Variants in SIPA1L2 observed in about 807,000 individuals in gnomAD.
SIPA1L2 encodes signal induced proliferation associated 1 like 2, also known as signal-induced proliferation-associated 1-like protein 2.
A neutral mutation model predicts 163.9 loss-of-function variants in SIPA1L2; 56 were observed. The ratio of observed to expected loss-of-function variants is 0.34; its 90% CI spans 0.28 to 0.43. The LOEUF is 0.43. SIPA1L2 is among the 20% of genes least tolerant of loss of function. The pLI, the probability that SIPA1L2 is intolerant of heterozygous loss-of-function variation, is 1.00. For missense variants in SIPA1L2, 1,974 were observed against 2,193.5 expected (o/e 0.90, Z 2.00); for synonymous variants, 877 against 865.7 (o/e 1.01, Z -0.23).
At chr1:232,505,130 C>T (rs1335008162) in intron 3 of SIPA1L2, among the ~76,000 whole-genome samples, 2 of 152,182 alleles carry the variant, frequency 1.3e-5, no homozygotes, top group African/African-American at 4.8e-5. Context: ...GGCTTCTTTT[C>T]ATAACCTGTA....
At chr1:232,566,068 G>A (rs1573093720) in intron 2 of SIPA1L2, among the ~76,000 whole-genome samples, 1 of 152,212 alleles carries the variant, frequency 6.6e-6, no homozygotes, top group East Asian at 1.9e-4. Flanking sequence ...GGCAGTTTAG[G>A]AAAATATAGA....
At chr1:232,446,149 C>A (rs1001035654) in intron 10 of SIPA1L2, among the ~76,000 whole-genome samples, 1 of 152,136 alleles carries the variant, frequency 6.6e-6, no homozygotes, top group African/African-American at 2.4e-5. Flanking sequence ...TTCCAAGACC[C>A]CCAATACACA....
intron 1 of SIPA1L2, among the ~76,000 whole-genome samples, chr1:232,620,330 G>C (rs1258546549): frequency 1.3e-5 from 2 of 152,182 alleles, no homozygotes; most frequent in East Asian, 3.9e-4. Context: ...ATGAAGGTAG[G>C]TGTCTCGATG....
At chr1:232,600,155 C>T (rs1310000519) in intron 1 of SIPA1L2, among the ~76,000 whole-genome samples, 1 of 152,118 alleles carries the variant, frequency 6.6e-6, no homozygotes, top group Non-Finnish European at 1.5e-5. Flanking sequence ...GAACTTTATG[C>T]TCAGTTCTGG....
intron 19 of SIPA1L2, among the ~76,000 whole-genome samples, chr1:232,409,288 A>C (rs964536831): frequency 6.6e-6 from 1 of 152,186 alleles, no homozygotes; most frequent in African/African-American, 2.4e-5. Context: ...TTACATATTA[A>C]GACTTTTCAG....
intron 2 of SIPA1L2, among the ~76,000 whole-genome samples, chr1:232,558,111 A>G (rs1658818652): frequency 6.6e-6 from 1 of 152,210 alleles, no homozygotes; most frequent in South Asian, 2.1e-4. Context: ...TCACACAGTG[A>G]AACCTCCCCA....
At chr1:232,616,491 C>T (rs902220079) in intron 1 of SIPA1L2, among the ~76,000 whole-genome samples, 9 of 152,232 alleles carry the variant, frequency 5.9e-5, no homozygotes, top group Non-Finnish European at 1.3e-4. Flanking sequence ...CTGGGTGCCC[C>T]TTCCACCTCA....
chr1:232,621,719 T>G (rs950511814), intron 1 of SIPA1L2, among the ~76,000 whole-genome samples: 1 of 151,216 alleles, frequency 6.6e-6, no homozygotes, highest in African/African-American at 2.4e-5. Flanking sequence ...CCTTCACTTA[T>G]TCTTGTCATT....
chr1:232,443,264 G>A (rs1418441726), intron 12 of SIPA1L2, among the ~76,000 whole-genome samples: 5 of 152,220 alleles, frequency 3.3e-5, no homozygotes, highest in Non-Finnish European at 7.3e-5. Flanking sequence ...AAGCAAAAAA[G>A]CCAAACGCTA....
chr1:232,477,038 G>T (rs769007121), intron 7 of SIPA1L2, among the ~76,000 whole-genome samples: 11 of 152,156 alleles, frequency 7.2e-5, no homozygotes, highest in Admixed American at 1.3e-4. Flanking sequence ...GAGGGTGAGA[G>T]AAATGGAGTC....
intron 7 of SIPA1L2, among the ~76,000 whole-genome samples, chr1:232,478,971 A>C (rs1390867892): frequency 6.6e-6 from 1 of 152,220 alleles, no homozygotes; most frequent in African/African-American, 2.4e-5. Context: ...ACAGTAGACA[A>C]AGCATTTCAA....
In SIPA1L2 at chr1:232,441,775, C is replaced by A; in HGVS notation, c.3531G>T (p.Arg1177Ser). Reference sequence around the variant, plus strand: ...CCAGGAGTTCCTTATTACCCGGGTGCCTGCTTGCTTCCATGGTGTCTTCCC... The same window carrying A: ...CCAGGAGTTCCTTATTACCCGGGTGACTGCTTGCTTCCATGGTGTCTTCCC... ...REREDTMEAS[R>S]HPETKWHGPP... Residue 1177 changes from arginine (R) to serine (S), a missense_variant, in exon 13 of 23, where the codon AGG (arginine) becomes AGT (serine). Physicochemically the swap from Arg to Ser is moderately radical, Grantham distance 110. This residue lies in a region of SIPA1L2 where 1,079 missense variants were observed against 1,150.7 expected (regional missense o/e 0.94). Transcript: ENST00000674635. 1.9e-6 allele frequency: 3 copies of A among 1,613,694 alleles called. No homozygotes were observed. The highest frequency in any genetic ancestry group is 1.1e-5 in the South Asian group (1 of 90,946).
intron 13 of SIPA1L2, 62 bp downstream of exon 13, chr1:232,441,706 G>A (rs1357640699): frequency 3.8e-6 from 5 of 1,322,570 alleles, no homozygotes; most frequent in South Asian, 1.2e-5. Context: ...GATGGGAGAG[G>A]AGGGGGCAGA....
intron 2 of SIPA1L2, among the ~76,000 whole-genome samples, chr1:232,556,753 G>A (rs149602768): frequency 7.9e-5 from 12 of 151,160 alleles, no homozygotes; most frequent in African/African-American, 2.4e-4. Context: ...AGAGCTCCAA[G>A]GTAGTGAACA....
chr1:232,410,545 A>ATATATATAT, intron 19 of SIPA1L2, among the ~76,000 whole-genome samples: 1 of 148,884 alleles, frequency 6.7e-6, no homozygotes, highest in East Asian at 2.0e-4. Context: ...TGAATTTCAA[A>ATATATATAT]ATATATATAT....
At position 232,464,884 on chromosome 1, in the gene SIPA1L2, C is replaced by T; in HGVS notation, c.2776G>A (p.Asp926Asn). ...RGECVLLSSV[D>N]NCAEDIREIV... is the part of the protein sequence containing the mutation. ...TCCCTGATGTCTTCAGCACAGTTGTCTACCGAGGACAGGAGGACACATTCT... is the reference window on the plus strand; with the variant it reads ...TCCCTGATGTCTTCAGCACAGTTGTTTACCGAGGACAGGAGGACACATTCT... Residue 926 changes from aspartate to asparagine, a missense_variant, in exon 9 of 23, where the codon GAC becomes AAC. Transcript: ENST00000674635. 1.2e-6 allele frequency: 2 copies of T among 1,613,404 alleles called. No individual in the cohort carries two copies. Among genetic ancestry groups the T allele is most frequent in the South Asian group, 1.1e-5 (1 of 90,872 alleles).
chr1:232,577,513 A>T (rs1382522276), intron 1 of SIPA1L2, among the ~76,000 whole-genome samples: 1 of 152,212 alleles, frequency 6.6e-6, no homozygotes, highest in Admixed American at 6.5e-5. Context: ...TATCACAGAT[A>T]GCAATTCCTC....
intron 3 of SIPA1L2, among the ~76,000 whole-genome samples, chr1:232,494,288 T>C (rs964029585): frequency 1.3e-5 from 2 of 152,230 alleles, no homozygotes; most frequent in African/African-American, 4.8e-5. Flanking sequence ...TATAACTTGG[T>C]TTAAAATGTC....
In SIPA1L2 at chr1:232,582,419, T is replaced by C. The variant is rs146159215; in HGVS notation, c.-318-8197A>G. Among the ~76,000 whole-genome samples the C allele has an allele frequency of 7.2e-5, 11 of 151,802 alleles. 1 individual carries two copies. Among genetic ancestry groups the C allele is most frequent in the Admixed American group, 7.2e-4 (11 of 15,292 alleles). On this transcript the variant is annotated intron_variant, in intron 1 of 22. Transcript: ENST00000674635. ...TGAGAACATGTAATATTTAGTTTTC[T>C]ATACCTGCATTGGTTTGCTTAGGAT...
Sources: allele counts gnomAD v4.1 joint callset (sites outside exome capture counted in the v4.1 genomes callset), GRCh38; gene constraint gnomAD v4.1.1; regional missense constraint gnomAD v4.1.1; transcripts MANE v1.5; gene names NCBI Gene and HGNC (gene_info 2026-07-23, HGNC 2026-07-21).